The following OOSP1 variants were observed in gnomAD, a reference collection of about 807,000 sequenced individuals.
The protein encoded by OOSP1 is putative oocyte-secreted protein 1 homolog.
In OOSP1, 11 loss-of-function variants were observed where a neutral mutation model predicts 5.7. That is an observed-to-expected ratio of 1.94 (90% CI 1.22 to 3.20). The LOEUF (loss-of-function observed/expected upper bound fraction) is 3.20. Among genes scored for constraint, OOSP1 ranks in the 30% most tolerant of loss-of-function variants. The pLI is 0.00. For missense variants in OOSP1, 83 were observed against 54.1 expected, an observed-to-expected ratio of 1.53 and a Z score of -1.67; for synonymous variants, 44 against 20.0, an observed-to-expected ratio of 2.20 and a Z score of -3.20.
intron 4 of OOSP1, among the ~76,000 whole-genome samples, chr11:59,951,885 C>A (rs1385866954): frequency 1.3e-5 from 2 of 148,824 alleles, no homozygotes; most frequent in African/African-American, 5.0e-5. Flanking sequence ...CCTAACTCGT[C>A]AGAATGCAAA....
At chr11:59,945,390 T>C (rs1590891614) in intron 3 of OOSP1, 124 bp downstream of exon 3, 3 of 696,662 alleles carry the variant, frequency 4.3e-6, no homozygotes, top group East Asian at 2.7e-5. Context: ...CACCAAACCC[T>C]AATGGGAACA....
chr11:59,944,100 C>G (rs1411612791), intron 2 of OOSP1, among the ~76,000 whole-genome samples: 1 of 152,166 alleles, frequency 6.6e-6, no homozygotes, highest in Non-Finnish European at 1.5e-5. Context: ...TTGGCTGACC[C>G]TGCACAGGGC....
chr11:59,938,550 G>A lies in OOSP1; in HGVS notation c.76+20G>A. ...GGTCAGGTATAACTTATCACTTGGG[G>A]AATAGAAGTTTCTTAAAGAGAGCTG... On this transcript the variant is annotated intron_variant, in intron 1 of 4. Transcript: ENST00000646685. 1 of 496,980 alleles carries A rather than the reference G, an allele frequency of 2.0e-6. No individual in the cohort carries two copies. Among genetic ancestry groups the A allele is most frequent in the Non-Finnish European group, 3.6e-6 (1 of 276,360 alleles). The allele number at this position is 496,980 out of a possible 1,614,324, so 30.8% of individuals were successfully genotyped here.
Position 59,943,907 on chromosome 11 carries a change from G to A in OOSP1, c.258+879G>A, listed in dbSNP as rs1047602151. ...TTTTTTTCATTATCCCAAATAAAACGCTAAAAGAAGTAATAGAACTTGATC... is the reference window on the plus strand; with the variant it reads ...TTTTTTTCATTATCCCAAATAAAACACTAAAAGAAGTAATAGAACTTGATC... On this transcript the variant is annotated intron_variant, in intron 2 of 4. Coordinates refer to ENST00000646685, the Ensembl canonical transcript of OOSP1. Among the ~76,000 whole-genome samples, 4 of 152,170 alleles carry A rather than the reference G, an allele frequency of 2.6e-5. No homozygotes were observed. In the East Asian group the frequency reaches 5.8e-4, roughly 22 times the overall value.
chr11:59,954,671 A>ATCTATCT (rs1853976662), intron 4 of OOSP1, among the ~76,000 whole-genome samples: 1 of 150,624 alleles, frequency 6.6e-6, no homozygotes, highest in Admixed American at 6.6e-5. Context: ...CTATCTATCT[A>ATCTATCT]ATCATCTATC....
At chr11:59,948,732 A>G in intron 4 of OOSP1, 1 of 398,132 alleles carries the variant, frequency 2.5e-6, no homozygotes, top group Non-Finnish European at 4.4e-6. Context: ...TCCCTCGTTC[A>G]TCAAATGAGT....
intron 4 of OOSP1, among the ~76,000 whole-genome samples, chr11:59,955,306 G>T (rs1230946954): frequency 6.6e-6 from 1 of 151,858 alleles, no homozygotes; most frequent in African/African-American, 2.4e-5. Context: ...GACTTCTTAA[G>T]GGCCAATATC....
intron 4 of OOSP1, among the ~76,000 whole-genome samples, chr11:59,948,146 C>T (rs1022659340): frequency 2.0e-5 from 3 of 152,030 alleles, no homozygotes; most frequent in Non-Finnish European, 4.4e-5. Flanking sequence ...AAAGAAAATA[C>T]CTATCAATTT....
At position 59,957,179 on chromosome 11, in the gene OOSP1, T is replaced by C. The variant is rs557604280; in HGVS notation, c.487-16T>C. ...GTAATTGATGAATCTACTTAAAATT[T>C]ATTTTGTACCCTCAGGTTTTAAAAG... On this transcript the variant is annotated splice_polypyrimidine_tract_variant and intron_variant, in intron 4 of 4. Transcript: ENST00000646685. 1 of 397,776 alleles carries C rather than the reference T, an allele frequency of 2.5e-6. No homozygotes were observed. The highest frequency in any genetic ancestry group is 1.3e-4 in the South Asian group (1 of 7,856). 24.6% of individuals were successfully genotyped at this position (397,776 alleles called of 1,614,324 possible). A position where few individuals can be genotyped will look rare whatever the true frequency, so the allele number is the denominator to read the frequency against.
At chr11:59,948,626 G>T (rs2134570412) in intron 4 of OOSP1, 2 of 395,718 alleles carry the variant, frequency 5.1e-6, no homozygotes, top group South Asian at 2.6e-4. Flanking sequence ...CTTTACTTAT[G>T]AATAACAGGC....
At chr11:59,957,195 G>C in exon 5 of OOSP1, 1 of 397,708 alleles carries the variant, frequency 2.5e-6, no homozygotes, top group Admixed American at 4.4e-5. Context: ...GTACCCTCAG[G>C]TTTTAAAAGT....
chr11:59,956,010 GC>G (rs1427025246), intron 4 of OOSP1, among the ~76,000 whole-genome samples: 5 of 152,098 alleles, frequency 3.3e-5, no homozygotes, highest in African/African-American at 1.2e-4. Flanking sequence ...TGTGCTAGGT[GC>G]TGTGAGACAG....
intron 2 of OOSP1, among the ~76,000 whole-genome samples, chr11:59,943,675 G>A (rs1853854098): frequency 6.6e-6 from 1 of 152,126 alleles, no homozygotes; most frequent in African/African-American, 2.4e-5. Flanking sequence ...TTGGTCAATT[G>A]CGACCAGAAT....
intron 4 of OOSP1, among the ~76,000 whole-genome samples, chr11:59,952,128 C>T (rs1377017128): frequency 1.3e-5 from 2 of 151,842 alleles, no homozygotes; most frequent in African/African-American, 4.8e-5. Context: ...AAGGTGGTAC[C>T]TGTCATGTTG....
chr11:59,939,495 G>T (rs978380204), intron 1 of OOSP1, among the ~76,000 whole-genome samples: 1 of 151,924 alleles, frequency 6.6e-6, no homozygotes, highest in Admixed American at 6.6e-5. Context: ...CAAGTGATCT[G>T]CCCACCTCGG....
At chr11:59,956,237 T>C (rs1439317386) in intron 4 of OOSP1, among the ~76,000 whole-genome samples, 1 of 151,980 alleles carries the variant, frequency 6.6e-6, no homozygotes, top group Non-Finnish European at 1.5e-5. Context: ...CATTGTCAAA[T>C]GTATTAGTTC....
intron 2 of OOSP1, 131 bp downstream of exon 2, chr11:59,943,159 T>C: frequency 3.8e-6 from 1 of 261,522 alleles, no homozygotes. Context: ...TTTTTGTCCT[T>C]GCGATAGTTT....
chr11:59,943,125 G>A (rs960261582), intron 2 of OOSP1, 97 bp downstream of exon 2: 1 of 539,148 alleles, frequency 1.9e-6, no homozygotes, highest in Non-Finnish European at 3.4e-6. Flanking sequence ...TCCCACCTAT[G>A]AGTGAGAACA....
chr11:59,952,304 G>A (rs1458820120), intron 4 of OOSP1, among the ~76,000 whole-genome samples: 1 of 151,966 alleles, frequency 6.6e-6, no homozygotes, highest in African/African-American at 2.4e-5. Context: ...CTACCCAAAG[G>A]AAAATAAGTC....
Sources: gnomAD v4.1 joint callset for allele counts (sites outside exome capture counted in the v4.1 genomes callset) on GRCh38, gnomAD v4.1.1 for gene constraint, MANE v1.5 for transcripts, NCBI Gene and HGNC (gene_info 2026-07-23, HGNC 2026-07-21) for gene names.